Variants in LAMP1 observed in about 807,000 individuals in gnomAD.
LAMP1 encodes the protein lysosome-associated membrane glycoprotein 1.
In LAMP1, 7 loss-of-function variants were observed where a neutral mutation model predicts 37.5. That is an observed-to-expected ratio of 0.19 (90% CI 0.11 to 0.35). The LOEUF is 0.35. LAMP1 is among the 10% of genes least tolerant of loss of function. The probability of loss-of-function intolerance (pLI) is 1.00; values close to 1 mark genes in which losing one functional copy is unlikely to be tolerated. For missense variants in LAMP1, 537 were observed against 552.8 expected (o/e 0.97, Z 0.29); for synonymous variants, 236 against 229.1 (o/e 1.03, Z -0.27).
chr13:113,310,885 G>C lies in LAMP1; in HGVS notation c.562+18G>C. 6.2e-7 allele frequency: 1 copy of C among 1,608,026 alleles called. No individual in the cohort carries two copies. The highest frequency in any genetic ancestry group is 1.1e-5 in the South Asian group (1 of 90,354). On this transcript the variant is annotated intron_variant, in intron 4 of 8. Coordinates refer to ENST00000332556, the MANE Select transcript of LAMP1 (RefSeq NM_005561.4). ...CCGGGGAGGTAGGACGCTGACCCTTGGCCCTCTGGTGCTAGTGGTTGGGTA... is the reference window on the plus strand; with the variant it reads ...CCGGGGAGGTAGGACGCTGACCCTTCGCCCTCTGGTGCTAGTGGTTGGGTA...
In LAMP1 at chr13:113,320,506, C is replaced by T. The variant is rs755866308; in HGVS notation, c.876+36C>T. The T allele has an allele frequency of 6.3e-7, 1 of 1,596,014 alleles. No homozygotes were observed. Among genetic ancestry groups the T allele is most frequent in the Non-Finnish European group, 8.5e-7 (1 of 1,175,204 alleles). On this transcript the variant is annotated intron_variant, in intron 6 of 8. Transcript: ENST00000332556. The surrounding 1 kb of genome is among the most constrained non-coding windows in gnomAD (Gnocchi z 4.4). ...GGCGGCACCTCTCTGGGGGCGCCCACTGTGTCTCCACCACATCTTTTTGTG... is the reference window on the plus strand; with the variant it reads ...GGCGGCACCTCTCTGGGGGCGCCCATTGTGTCTCCACCACATCTTTTTGTG...
At position 113,320,800 on chromosome 13, in the gene LAMP1, A is replaced by G. The variant is rs1595464671; in HGVS notation, c.876+330A>G. ...TTTCTGCCTGGGAGGACTCCTGTGCAGTTAGCAACATAAGACATGAAGCAT... is the reference window on the plus strand; with the variant it reads ...TTTCTGCCTGGGAGGACTCCTGTGCGGTTAGCAACATAAGACATGAAGCAT... On this transcript the variant is annotated intron_variant, in intron 6 of 8. Transcript: ENST00000332556. This position sits in a 1 kb window ranked among gnomAD's most constrained non-coding sequence, Gnocchi z 4.4. 2.9e-6 allele frequency: 1 copy of G among 350,152 alleles called. No homozygotes were observed. Among genetic ancestry groups the G allele is most frequent in the African/African-American group, 2.0e-5 (1 of 49,048 alleles). 21.7% of individuals were successfully genotyped at this position (350,152 alleles called of 1,614,324 possible). A position where few individuals can be genotyped will look rare whatever the true frequency, so the allele number is the denominator to read the frequency against.
chr13:113,318,156 T>C (rs146463954), intron 4 of LAMP1, among the ~76,000 whole-genome samples: 3 of 152,390 alleles, frequency 2.0e-5, no homozygotes, highest in African/African-American at 7.2e-5. Flanking sequence ...TCTTGTGCTC[T>C]GTCCAGAAGG....
intron 1 of LAMP1, among the ~76,000 whole-genome samples, chr13:113,300,994 T>A (rs1483942249): frequency 6.6e-6 from 1 of 152,194 alleles, no homozygotes; most frequent in East Asian, 1.9e-4. Context: ...TTACCCTTTC[T>A]TCTCTGTACC....
intron 4 of LAMP1, among the ~76,000 whole-genome samples, chr13:113,313,381 G>C (rs777896449): frequency 6.6e-6 from 1 of 152,210 alleles, no homozygotes; most frequent in Non-Finnish European, 1.5e-5. Context: ...CTGCCGCTGC[G>C]CATGTACAGC....
chr13:113,298,924 T>C (rs1399899750), intron 1 of LAMP1, among the ~76,000 whole-genome samples: 2 of 152,238 alleles, frequency 1.3e-5, no homozygotes, highest in Non-Finnish European at 2.9e-5. Context: ...AGATGGATCA[T>C]GGCGTCAGGA....
At chr13:113,316,454 C>T (rs2042664944) in intron 4 of LAMP1, among the ~76,000 whole-genome samples, 1 of 147,094 alleles carries the variant, frequency 6.8e-6, no homozygotes, top group South Asian at 2.2e-4. Flanking sequence ...CAGAGTCCCG[C>T]TCTGTCACCC....
chr13:113,313,090 G>A (rs925663213), intron 4 of LAMP1, among the ~76,000 whole-genome samples: 9 of 152,150 alleles, frequency 5.9e-5, no homozygotes, highest in South Asian at 4.1e-4. Flanking sequence ...GCCTGGACAC[G>A]GTTGCAGAAC....
In LAMP1 at chr13:113,321,769, G is replaced by C. The variant is rs368834776; in HGVS notation, c.1114+42G>C. On this transcript the variant is annotated intron_variant, in intron 8 of 8. Coordinates refer to ENST00000332556, the MANE Select transcript of LAMP1 (RefSeq NM_005561.4). This position sits in a 1 kb window ranked among gnomAD's most constrained non-coding sequence, Gnocchi z 5.6. ...GCAGCTGTCGCGGGGTGTGGAGGACGTGCTTCAGACTCCGCCTGTGGACGT... is the reference window on the plus strand; with the variant it reads ...GCAGCTGTCGCGGGGTGTGGAGGACCTGCTTCAGACTCCGCCTGTGGACGT... 1 of 1,597,534 alleles carries C rather than the reference G, an allele frequency of 6.3e-7. No homozygotes were observed. The highest frequency in any genetic ancestry group is 8.5e-7 in the Non-Finnish European group (1 of 1,170,176).
chr13:113,320,766 G>C lies in LAMP1; in HGVS notation c.876+296G>C, dbSNP rs187818139. The C allele has an allele frequency of 2.0e-4, 81 of 407,048 alleles. No individual in the cohort carries two copies. The East Asian group carries it at 3.2e-3, about 16-fold the overall frequency. The allele number at this position is 407,048 out of a possible 1,614,324, so 25.2% of individuals were successfully genotyped here. On this transcript the variant is annotated intron_variant, in intron 6 of 8. Coordinates refer to ENST00000332556, the MANE Select transcript of LAMP1 (RefSeq NM_005561.4). This position sits in a 1 kb window ranked among gnomAD's most constrained non-coding sequence, Gnocchi z 4.4. ...TCAGATGCTGCTGCCCTGTGGTTCCGTGGTGGCATTTCTGCCTGGGAGGAC... is the reference window on the plus strand; with the variant it reads ...TCAGATGCTGCTGCCCTGTGGTTCCCTGGTGGCATTTCTGCCTGGGAGGAC...
chr13:113,321,929 C>A lies in LAMP1; in HGVS notation c.1114+202C>A, dbSNP rs2042703203. The A allele has an allele frequency of 1.6e-6, 1 of 610,168 alleles. No individual in the cohort carries two copies. The highest frequency in any genetic ancestry group is 2.0e-5 in the South Asian group (1 of 49,596). The allele number at this position is 610,168 out of a possible 1,614,324, so 37.8% of individuals were successfully genotyped here. On this transcript the variant is annotated intron_variant, in intron 8 of 8. Coordinates refer to ENST00000332556, the MANE Select transcript of LAMP1 (RefSeq NM_005561.4). This position sits in a 1 kb window ranked among gnomAD's most constrained non-coding sequence, Gnocchi z 5.6. Reference sequence around the variant, plus strand: ...CAGCGTGTCTCTCAGCTGGGAGCCCCTGGTACCATTTGAGAGTAAGGGAAT... The same window carrying A: ...CAGCGTGTCTCTCAGCTGGGAGCCCATGGTACCATTTGAGAGTAAGGGAAT...
intron 2 of LAMP1, 149 bp downstream of exon 2, chr13:113,306,755 G>T (rs765916702): frequency 1.3e-6 from 1 of 781,610 alleles, no homozygotes. Flanking sequence ...AGTAACCTGC[G>T]CTGTCATGTG....
In LAMP1 at chr13:113,309,930, TTTA is replaced by T. The variant is rs2042620797; in HGVS notation, c.403+69_403+71del. Reference sequence around the variant, plus strand: ...GGTTGGAGGATTGTCTAAAGTTACTTTTACCTAAGAAGTACAGGCTGGGTGTGG... The same window carrying T: ...GGTTGGAGGATTGTCTAAAGTTACTTCCTAAGAAGTACAGGCTGGGTGTGG... On this transcript the variant is annotated intron_variant, in intron 3 of 8. Coordinates refer to ENST00000332556, the MANE Select transcript of LAMP1 (RefSeq NM_005561.4). The T allele has an allele frequency of 5.4e-6, 7 of 1,302,442 alleles. No individual in the cohort carries two copies. In the African/African-American group the frequency reaches 1.0e-4, roughly 19 times the overall value. 80.7% of individuals were successfully genotyped at this position (1,302,442 alleles called of 1,614,324 possible).
intron 1 of LAMP1, among the ~76,000 whole-genome samples, chr13:113,298,989 A>C (rs1452929724): frequency 6.6e-6 from 1 of 152,146 alleles, no homozygotes; most frequent in Non-Finnish European, 1.5e-5. Context: ...AAAATACAAA[A>C]ATTAGCTGGG....
At chr13:113,317,381 C>T (rs766187046) in intron 4 of LAMP1, among the ~76,000 whole-genome samples, 2 of 152,204 alleles carry the variant, frequency 1.3e-5, no homozygotes, top group Non-Finnish European at 2.9e-5. Flanking sequence ...GTTTGTAATT[C>T]AGGTAGAAGG....
intron 4 of LAMP1, among the ~76,000 whole-genome samples, chr13:113,315,770 C>T (rs528260637): frequency 6.6e-6 from 1 of 152,076 alleles, no homozygotes; most frequent in South Asian, 2.1e-4. Flanking sequence ...ATGGACTTTC[C>T]TGTTGGTTTT....
At chr13:113,308,661 T>C (rs112411629) in intron 2 of LAMP1, among the ~76,000 whole-genome samples, 1 of 152,178 alleles carries the variant, frequency 6.6e-6, no homozygotes, top group Non-Finnish European at 1.5e-5. Flanking sequence ...CATCACTTTT[T>C]TAATGTTTGG....
chr13:113,311,943 G>GAGCTT (rs1167597760), intron 4 of LAMP1, among the ~76,000 whole-genome samples: 10 of 152,192 alleles, frequency 6.6e-5, no homozygotes, highest in African/African-American at 2.4e-4. Flanking sequence ...GCCTTAGGGT[G>GAGCTT]AGCTTTCCCG....
chr13:113,298,434 GAGA>G, intron 1 of LAMP1, among the ~76,000 whole-genome samples: 2 of 145,620 alleles, frequency 1.4e-5, no homozygotes, highest in Non-Finnish European at 1.5e-5. Flanking sequence ...CCCGTAATAT[GAGA>G]AGATTATCTT....
Sources: gnomAD v4.1 joint callset for allele counts (sites outside exome capture counted in the v4.1 genomes callset) on GRCh38, gnomAD v4.1.1 for gene constraint, Gnocchi (gnomAD v3.1) non-coding constraint, MANE v1.5 for transcripts, NCBI Gene and HGNC (gene_info 2026-07-23, HGNC 2026-07-21) for gene names.